ZCCHC7: variants seen among roughly 807,000 people sequenced by gnomAD.
The protein encoded by ZCCHC7 is zinc finger CCHC domain-containing protein 7.
In ZCCHC7, 35 loss-of-function variants were observed where a neutral mutation model predicts 52.0. The observed-to-expected ratio is 0.67, with a 90% CI of 0.51 to 0.89. ZCCHC7 has a LOEUF of 0.89. Among genes scored for constraint, ZCCHC7 ranks in the 40% least tolerant of loss-of-function variants. The pLI is 0.00. For missense variants in ZCCHC7, 574 were observed against 649.1 expected (o/e 0.88, Z 1.26); for synonymous variants, 217 against 221.5 (o/e 0.98, Z 0.18).
chr9:37,170,077 TAGAAAA>T (rs1159214802), intron 2 of ZCCHC7, among the ~76,000 whole-genome samples: 1 of 151,608 alleles, frequency 6.6e-6, no homozygotes, highest in East Asian at 1.9e-4. Flanking sequence ...AAAAAAAAAT[TAGAAAA>T]AGAATAAAAA....
chr9:37,333,865 G>A (rs370969044), intron 6 of ZCCHC7: 2 of 151,588 alleles, frequency 1.3e-5, no homozygotes, highest in African/African-American at 4.8e-5. Flanking sequence ...ATTAAAATAT[G>A]GAACACTTCA....
intron 2 of ZCCHC7, among the ~76,000 whole-genome samples, chr9:37,181,222 A>G (rs540837907): frequency 9.2e-5 from 14 of 152,138 alleles, no homozygotes; most frequent in South Asian, 6.2e-4. Flanking sequence ...GCAAGGGTAG[A>G]TGAGATTTTT....
chr9:37,266,344 G>A (rs947641658), intron 2 of ZCCHC7, among the ~76,000 whole-genome samples: 3 of 152,106 alleles, frequency 2.0e-5, no homozygotes, highest in Admixed American at 2.0e-4. Flanking sequence ...GAAACTCAGA[G>A]GAGCTCATAG....
chr9:37,205,043 C>T (rs1823829999), intron 2 of ZCCHC7: 1 of 159,824 alleles, frequency 6.3e-6, no homozygotes. Flanking sequence ...GCTCTGCCCT[C>T]ATGAATGGAT....
chr9:37,120,270 C>T (rs532451124), upstream of ZCCHC7, among the ~76,000 whole-genome samples: 5 of 152,340 alleles, frequency 3.3e-5, no homozygotes, highest in South Asian at 8.3e-4. Flanking sequence ...AGGGCACGAA[C>T]TCCCCGGCTT....
chr9:37,133,011 C>T (rs1449497995), intron 2 of ZCCHC7, among the ~76,000 whole-genome samples: 2 of 152,128 alleles, frequency 1.3e-5, no homozygotes, highest in Non-Finnish European at 1.5e-5. Flanking sequence ...GTGGTGTGCA[C>T]CTGTAATCCC....
chr9:37,200,624 G>A (rs1165186029), intron 2 of ZCCHC7, among the ~76,000 whole-genome samples: 1 of 152,206 alleles, frequency 6.6e-6, no homozygotes, highest in African/African-American at 2.4e-5. Flanking sequence ...CCTCCTAGAA[G>A]CCTTGGTGGT....
At chr9:37,147,123 C>A (rs1191526210) in intron 2 of ZCCHC7, among the ~76,000 whole-genome samples, 1 of 151,728 alleles carries the variant, frequency 6.6e-6, no homozygotes, top group Non-Finnish European at 1.5e-5. Flanking sequence ...CTGTTGTAAA[C>A]AATTGAATTA....
At chr9:37,311,420 T>C (rs1829594255) in intron 5 of ZCCHC7, among the ~76,000 whole-genome samples, 1 of 152,134 alleles carries the variant, frequency 6.6e-6, no homozygotes. Context: ...ATTTATTTAT[T>C]TTTATTTTTA....
chr9:37,304,486 T>C (rs1829206133), intron 4 of ZCCHC7, among the ~76,000 whole-genome samples, 173 bp downstream of exon 4: 1 of 152,134 alleles, frequency 6.6e-6, no homozygotes, highest in Non-Finnish European at 1.5e-5. Flanking sequence ...AAACCCCGTC[T>C]CTACCAAAAA....
rs181209832 is a variant in ZCCHC7 at position 37,125,395 on chromosome 9, G to A, written c.-21-917G>A. Among the ~76,000 whole-genome samples the A allele has an allele frequency of 3.1e-4, 47 of 152,270 alleles. No individual in the cohort carries two copies. In the Middle Eastern group the frequency reaches 0.017, roughly 55 times the overall value. On this transcript the variant is annotated intron_variant, in intron 1 of 8. Coordinates refer to ENST00000336755, the MANE Select transcript of ZCCHC7 (RefSeq NM_032226.3). ...CTGTTCTCAAACTTCTAACCTCAAC[G>A]TGATCCTCCTGCCTTGGCCTCCCAA... is the stretch of plus-strand genomic sequence containing the variant.
chr9:37,195,349 CTG>C (rs1823236096), intron 2 of ZCCHC7, among the ~76,000 whole-genome samples: 1 of 152,142 alleles, frequency 6.6e-6, no homozygotes. Flanking sequence ...CAGCAAATAA[CTG>C]TTATTTAGCC....
At chr9:37,282,402 A>G (rs1828001621) in intron 2 of ZCCHC7, among the ~76,000 whole-genome samples, 1 of 152,078 alleles carries the variant, frequency 6.6e-6, no homozygotes, top group Non-Finnish European at 1.5e-5. Flanking sequence ...AAGGAGATCA[A>G]GACCATCCTG....
intron 2 of ZCCHC7, among the ~76,000 whole-genome samples, chr9:37,235,925 G>A (rs1825630473): frequency 6.6e-6 from 1 of 151,886 alleles, no homozygotes; most frequent in African/African-American, 2.4e-5. Context: ...TATTCATTGT[G>A]TATCTATATC....
At chr9:37,120,811 C>T in intron 1 of ZCCHC7, 188 bp downstream of exon 1, 1 of 296,740 alleles carries the variant, frequency 3.4e-6, no homozygotes, top group Non-Finnish European at 6.2e-6. Flanking sequence ...CGCGGCCGGG[C>T]TGCGGGTCTA....
intron 1 of ZCCHC7, among the ~76,000 whole-genome samples, chr9:37,124,766 C>T (rs1193063125): frequency 6.6e-6 from 1 of 152,114 alleles, no homozygotes; most frequent in African/African-American, 2.4e-5. Context: ...CATTTATTCC[C>T]AAAGCTGGGA....
chr9:37,276,683 T>C (rs139704922), intron 2 of ZCCHC7, among the ~76,000 whole-genome samples: 1 of 152,302 alleles, frequency 6.6e-6, no homozygotes, highest in African/African-American at 2.4e-5. Context: ...GAAATTAGAA[T>C]CTCATATAAT....
At chr9:37,233,453 C>A (rs1261773655) in intron 2 of ZCCHC7, among the ~76,000 whole-genome samples, 1 of 152,162 alleles carries the variant, frequency 6.6e-6, no homozygotes, top group African/African-American at 2.4e-5. Context: ...GATTGGACTT[C>A]TTACTGAGAG....
chr9:37,156,175 G>A (rs1820801447), intron 2 of ZCCHC7, among the ~76,000 whole-genome samples: 1 of 152,182 alleles, frequency 6.6e-6, no homozygotes, highest in Non-Finnish European at 1.5e-5. Flanking sequence ...GTTATGGTTT[G>A]AGTTTGTTTC....
Sources: allele counts gnomAD v4.1 joint callset (sites outside exome capture counted in the v4.1 genomes callset), GRCh38; gene constraint gnomAD v4.1.1; transcripts MANE v1.5; gene names NCBI Gene and HGNC (gene_info 2026-07-23, HGNC 2026-07-21).